The following PPM1G variants were observed in gnomAD, a reference collection of about 807,000 sequenced individuals.
The protein encoded by PPM1G is protein phosphatase, Mg2+/Mn2+ dependent 1G.
A neutral mutation model predicts 59.4 loss-of-function variants in PPM1G; 12 were observed. The ratio of observed to expected loss-of-function variants is 0.20; its 90% confidence interval spans 0.13 to 0.33. The LOEUF is 0.33. PPM1G is among the 10% of genes least tolerant of loss of function. The probability of loss-of-function intolerance (pLI) is 1.00; values close to 1 mark genes in which losing one functional copy is unlikely to be tolerated. For missense variants in PPM1G, 392 were observed against 681.3 expected, an observed-to-expected ratio of 0.58 and a Z score of 4.73; for synonymous variants, 245 against 251.9, an observed-to-expected ratio of 0.97 and a Z score of 0.26.
Position 27,396,552 on chromosome 2 carries a change from T to C in PPM1G, c.121-9394A>G, listed in dbSNP as rs550300994. ...TTTTAAGGCCGGGCGTGGTGGCTCA[T>C]GCCTGTAATCCCAGCACTTTGGGAG... On this transcript the variant is annotated intron_variant, in intron 1 of 9. Coordinates refer to ENST00000344034, the MANE Select transcript of PPM1G (RefSeq NM_177983.3). 1.8e-4 allele frequency among the ~76,000 whole-genome samples: 27 copies of C among 151,002 alleles called. No individual in the cohort carries two copies. In the East Asian group the frequency reaches 4.0e-3, roughly 23 times the overall value.
rs1558315948 is a variant in PPM1G at position 27,383,246 on chromosome 2, G to A, written c.1201+120C>T. On this transcript the variant is annotated intron_variant, in intron 7 of 9. Transcript: ENST00000344034. The surrounding 1 kb of genome is among the most constrained non-coding windows in gnomAD (Gnocchi z 5.0). ...TATTTCACAGAAATATAAGAACAGA[G>A]GTAGTAGATATTAAAGTGCTTTGAA... 7.7e-6 allele frequency: 6 copies of A among 782,580 alleles called. No homozygotes were observed. The highest frequency in any genetic ancestry group is 6.4e-6 in the Non-Finnish European group (3 of 470,326). The allele number at this position is 782,580 out of a possible 1,614,324, so 48.5% of individuals were successfully genotyped here.
chr2:27,398,154 G>A (rs1357772997), intron 1 of PPM1G, among the ~76,000 whole-genome samples: 1 of 152,110 alleles, frequency 6.6e-6, no homozygotes, highest in African/African-American at 2.4e-5. Context: ...ACTGGCATAG[G>A]GACATGTAGA....
At chr2:27,392,331 G>C (rs1325701763) in intron 1 of PPM1G, among the ~76,000 whole-genome samples, 1 of 128,200 alleles carries the variant, frequency 7.8e-6, no homozygotes, top group African/African-American at 3.0e-5. Flanking sequence ...ATGTCTCCCT[G>C]TCACCCAGGC....
At chr2:27,400,580 C>T (rs980173305) in intron 1 of PPM1G, among the ~76,000 whole-genome samples, 1 of 151,990 alleles carries the variant, frequency 6.6e-6, no homozygotes, top group African/African-American at 2.4e-5. Flanking sequence ...ACAGTAAGAC[C>T]CTGTCTCCAT....
At chr2:27,390,043 T>C (rs1342794832) in intron 1 of PPM1G, among the ~76,000 whole-genome samples, 1 of 151,820 alleles carries the variant, frequency 6.6e-6, no homozygotes, top group Non-Finnish European at 1.5e-5. Context: ...TCTTTTTTTT[T>C]TGAGATGGAG....
At position 27,382,051 on chromosome 2, in the gene PPM1G, G is replaced by T; in HGVS notation, c.1434+75C>A. On this transcript the variant is annotated intron_variant, in intron 9 of 9. Coordinates refer to ENST00000344034, the MANE Select transcript of PPM1G (RefSeq NM_177983.3). This position sits in a 1 kb window ranked among gnomAD's most constrained non-coding sequence, Gnocchi z 4.2. ...TTACTGATAATGCTCCCAGATTGCCGACTTAGCTCAGATTAAAAGAGTGAA... is the reference window on the plus strand; with the variant it reads ...TTACTGATAATGCTCCCAGATTGCCTACTTAGCTCAGATTAAAAGAGTGAA... 2 of 1,439,568 alleles carry T rather than the reference G, an allele frequency of 1.4e-6. No homozygotes were observed. The highest frequency in any genetic ancestry group is 1.7e-5 in the Admixed American group (1 of 58,062). The allele number at this position is 1,439,568 out of a possible 1,614,324, so 89.2% of individuals were successfully genotyped here.
At chr2:27,391,115 T>C (rs1035521805) in intron 1 of PPM1G, among the ~76,000 whole-genome samples, 6 of 152,252 alleles carry the variant, frequency 3.9e-5, no homozygotes, top group African/African-American at 1.4e-4. Context: ...TTCAATGTTT[T>C]TGCTATTGTG....
chr2:27,385,165 C>A lies in PPM1G; in HGVS notation c.410-77G>T. On this transcript the variant is annotated intron_variant, in intron 4 of 9. Coordinates refer to ENST00000344034, the MANE Select transcript of PPM1G (RefSeq NM_177983.3). This position sits in a 1 kb window ranked among gnomAD's most constrained non-coding sequence, Gnocchi z 4.1. ...CCGTCCCTCTCACTACCTCAACAGC[C>A]CTTGCAGCCTCTAACTTCCCCACAA... 1 of 1,476,092 alleles carries A rather than the reference C, an allele frequency of 6.8e-7. No individual in the cohort carries two copies. Among genetic ancestry groups the A allele is most frequent in the East Asian group, 2.3e-5 (1 of 43,608 alleles). 91.4% of individuals were successfully genotyped at this position (1,476,092 alleles called of 1,614,324 possible).
intron 1 of PPM1G, among the ~76,000 whole-genome samples, chr2:27,399,730 A>G (rs115201359): frequency 0.011 from 1,722 of 152,320 alleles, 38 homozygotes; most frequent in African/African-American, 0.039. Flanking sequence ...AAAAAGGTGG[A>G]TAAGTGTAGT....
At chr2:27,405,754 G>A (rs1289622545) in intron 1 of PPM1G, among the ~76,000 whole-genome samples, 1 of 151,878 alleles carries the variant, frequency 6.6e-6, no homozygotes, top group Non-Finnish European at 1.5e-5. Flanking sequence ...GTGGCTCACA[G>A]CATTTTGGGA....
rs371846172 is a variant in PPM1G, at chr2:27,381,445, G to A, written c.*154C>T. 1.3e-5 allele frequency: 10 copies of A among 781,586 alleles called. No homozygotes were observed. The highest frequency in any genetic ancestry group is 1.7e-5 in the African/African-American group (1 of 57,782). 48.4% of individuals were successfully genotyped at this position (781,586 alleles called of 1,614,324 possible). A position where few individuals can be genotyped will look rare whatever the true frequency, so the allele number is the denominator to read the frequency against. On this transcript the variant is annotated 3_prime_UTR_variant, in exon 10 of 10. Transcript: ENST00000344034. ...CAGAGGCTCCCGGCTGCAGTGTGGA[G>A]GGAGAGCCCTCTTTGGAATGGGCGG... is the stretch of plus-strand genomic sequence containing the variant.
intron 1 of PPM1G, chr2:27,392,727 C>T (rs1046819392): frequency 2.1e-5 from 21 of 1,015,508 alleles, no homozygotes; most frequent in Non-Finnish European, 2.6e-5. Flanking sequence ...AACATACATG[C>T]GCTGCCTTGG....
intron 1 of PPM1G, among the ~76,000 whole-genome samples, chr2:27,402,794 A>G (rs1260338): frequency 0.54 from 81,518 of 149,952 alleles, 24,804 homozygotes; most frequent in African/African-American, 0.82. Flanking sequence ...GTGACAGTGT[A>G]AGACTCCATC....
intron 1 of PPM1G, chr2:27,392,665 G>A: frequency 1.6e-6 from 1 of 629,402 alleles, no homozygotes; most frequent in Non-Finnish European, 2.9e-6. Flanking sequence ...ACAAATCAAA[G>A]AACTTAAGTG....
intron 1 of PPM1G, among the ~76,000 whole-genome samples, chr2:27,400,317 G>A (rs146381942): frequency 1.1e-4 from 16 of 152,092 alleles, no homozygotes; most frequent in Admixed American, 3.9e-4. Context: ...CAGGAGAATC[G>A]CTTTAACCCA....
rs1490726464 is a variant in PPM1G, at chr2:27,393,363, G to A, written c.121-6205C>T. 32 of 1,581,796 alleles carry A rather than the reference G, an allele frequency of 2.0e-5. No homozygotes were observed. The Admixed American group carries it at 3.2e-4, about 16-fold the overall frequency. On this transcript the variant is annotated intron_variant, in intron 1 of 9. Coordinates refer to ENST00000344034, the MANE Select transcript of PPM1G (RefSeq NM_177983.3). ...GCGCACCTGCGAGGTAGACGCGGTC[G>A]TCATGCCGGCGACTAAGGAGAGGCG... is the stretch of plus-strand genomic sequence containing the variant.
chr2:27,406,697 T>C (rs1663372919), intron 1 of PPM1G, among the ~76,000 whole-genome samples: 1 of 152,126 alleles, frequency 6.6e-6, no homozygotes, highest in Non-Finnish European at 1.5e-5. Flanking sequence ...ATGGAATCAC[T>C]GGGCAAACCA....
chr2:27,381,858 A>G, intron 9 of PPM1G, 53 bp from the exon 10 acceptor site: 1 of 1,564,130 alleles, frequency 6.4e-7, no homozygotes, highest in South Asian at 1.1e-5. Context: ...CCTTGCCAGG[A>G]ATCTACAGTC....
Position 27,385,248 on chromosome 2 carries a change from C to T in PPM1G, c.410-160G>A, listed in dbSNP as rs1647284. The T allele has an allele frequency of 0.4, 289,157 of 724,412 alleles. 63,091 individuals carry two copies. Among genetic ancestry groups the T allele is most frequent in the African/African-American group, 0.69 (38,390 of 55,508 alleles). The allele number at this position is 724,412 out of a possible 1,614,324, so 44.9% of individuals were successfully genotyped here. A position where few individuals can be genotyped will look rare whatever the true frequency, so the allele number is the denominator to read the frequency against. Reference sequence around the variant, plus strand: ...CTCAGAAGAACATGCCCTAGCTCCTCCTCCTCCACAGACTTCTTTTGGTTT... The same window carrying T: ...CTCAGAAGAACATGCCCTAGCTCCTTCTCCTCCACAGACTTCTTTTGGTTT... On this transcript the variant is annotated intron_variant, in intron 4 of 9. Transcript: ENST00000344034. This position sits in a 1 kb window ranked among gnomAD's most constrained non-coding sequence, Gnocchi z 4.1.
Sources: allele counts gnomAD v4.1 joint callset (sites outside exome capture counted in the v4.1 genomes callset), GRCh38; gene constraint gnomAD v4.1.1; non-coding constraint Gnocchi (gnomAD v3.1); transcripts MANE v1.5; gene names NCBI Gene and HGNC (gene_info 2026-07-23, HGNC 2026-07-21).